The following ATG7 variants were observed in gnomAD, a reference collection of about 807,000 sequenced individuals.
ATG7 encodes ubiquitin-like modifier-activating enzyme ATG7.
Under a neutral mutation model 82.4 loss-of-function variants are expected in ATG7, and 70 were observed. The ratio of observed to expected loss-of-function variants is 0.85; its 90% CI spans 0.70 to 1.04. The LOEUF (loss-of-function observed/expected upper bound fraction) is 1.04. Among genes scored for constraint, ATG7 ranks in the 50% least tolerant of loss-of-function variants. ATG7 has a pLI of 0.00. For synonymous variants in ATG7, 287 were observed against 313.0 expected (o/e 0.92, Z 0.88); for missense variants, 792 against 864.3 (o/e 0.92, Z 1.05).
downstream of ATG7, among the ~76,000 whole-genome samples, chr3:11,560,146 G>A (rs987304206): frequency 2.0e-5 from 3 of 151,528 alleles, no homozygotes; most frequent in Non-Finnish European, 4.4e-5. Context: ...ACTGGCCACC[G>A]CCCCACCACC....
At chr3:11,484,086 G>C (rs888338375) in intron 20 of ATG7, among the ~76,000 whole-genome samples, 1 of 152,170 alleles carries the variant, frequency 6.6e-6, no homozygotes, top group South Asian at 2.1e-4. Context: ...AGAGGAAGGT[G>C]ATAGGCCAAA....
intron 19 of ATG7, among the ~76,000 whole-genome samples, chr3:11,407,078 G>T (rs185485840): frequency 6.6e-6 from 1 of 152,334 alleles, no homozygotes; most frequent in East Asian, 1.9e-4. Flanking sequence ...TTCTGCCTAT[G>T]AGCCTATATA....
At chr3:11,359,359 G>A (rs1379888191) in intron 15 of ATG7, among the ~76,000 whole-genome samples, 1 of 152,102 alleles carries the variant, frequency 6.6e-6, no homozygotes, top group African/African-American at 2.4e-5. Flanking sequence ...GGGATAATAA[G>A]TTAAATTAGA....
At chr3:11,442,739 CAAAAAA>C (rs57073881) in intron 20 of ATG7, among the ~76,000 whole-genome samples, 87 of 69,236 alleles carry the variant, frequency 1.3e-3, no homozygotes, top group Middle Eastern at 0.015. Flanking sequence ...TCCATCTCTA[CAAAAAA>C]AAAAAAAAAA....
intron 6 of ATG7, chr3:11,308,703 A>T: frequency 2.0e-6 from 1 of 492,398 alleles, no homozygotes; most frequent in South Asian, 2.5e-5. Flanking sequence ...GGAGATTGTG[A>T]AGGCATGAAA....
intron 20 of ATG7, among the ~76,000 whole-genome samples, chr3:11,452,748 T>G (rs576839811): frequency 6.6e-6 from 1 of 152,178 alleles, no homozygotes; most frequent in African/African-American, 2.4e-5. Flanking sequence ...AACTGAGGGT[T>G]AGAGAGTAAA....
chr3:11,306,351 T>C (rs1947733197), intron 5 of ATG7, among the ~76,000 whole-genome samples: 1 of 152,226 alleles, frequency 6.6e-6, no homozygotes, highest in Non-Finnish European at 1.5e-5. Flanking sequence ...ATGACTGTAG[T>C]TCTTGAAAAT....
At chr3:11,569,592 G>GT in the ATG7 span, among the ~76,000 whole-genome samples, 6 of 152,274 alleles carry the variant, frequency 3.9e-5, no homozygotes, top group Admixed American at 3.3e-4. Context: ...CACAGGGCCA[G>GT]TGAGTGGGCC....
chr3:11,520,079 TTGAGAC>T (rs1229365457), intron 20 of ATG7, among the ~76,000 whole-genome samples: 1 of 152,136 alleles, frequency 6.6e-6, no homozygotes, highest in East Asian at 1.9e-4. Context: ...AGCTGTGTGT[TTGAGAC>T]TTTTGCACAT....
chr3:11,511,936 T>C (rs577391163), intron 20 of ATG7, among the ~76,000 whole-genome samples: 37 of 152,144 alleles, frequency 2.4e-4, no homozygotes, highest in East Asian at 3.9e-4. Flanking sequence ...CCAGCTGGCC[T>C]GCAAGCGCCG....
At chr3:11,469,988 C>CAAAAA (rs10628540) in intron 20 of ATG7, among the ~76,000 whole-genome samples, 26,334 of 86,122 alleles carry the variant, frequency 0.31, 5,283 homozygotes, top group Non-Finnish European at 0.37. Context: ...GACTCCATCT[C>CAAAAA]AAAAAAAAAA....
At chr3:11,399,804 C>T (rs1023584889) in intron 19 of ATG7, among the ~76,000 whole-genome samples, 2 of 152,124 alleles carry the variant, frequency 1.3e-5, no homozygotes, top group Non-Finnish European at 2.9e-5. Context: ...GAACTCCTGA[C>T]CTCAGGTAAT....
At chr3:11,429,421 G>A (rs1480933120) in intron 20 of ATG7, among the ~76,000 whole-genome samples, 2 of 151,970 alleles carry the variant, frequency 1.3e-5, no homozygotes, top group African/African-American at 2.4e-5. Context: ...ACTTGAACCC[G>A]GGAAGCAAAG....
At chr3:11,551,982 CAA>C (rs2071842459) in intron 20 of ATG7, among the ~76,000 whole-genome samples, 1 of 152,212 alleles carries the variant, frequency 6.6e-6, no homozygotes, top group Admixed American at 6.5e-5. Context: ...CTCCTGACCT[CAA>C]GTGATCCACC....
intron 20 of ATG7, among the ~76,000 whole-genome samples, chr3:11,503,252 G>A (rs1367549103): frequency 1.3e-5 from 2 of 152,128 alleles, no homozygotes; most frequent in Admixed American, 1.3e-4. Flanking sequence ...TTAAGTAGGA[G>A]CAGAAACCAA....
In ATG7 at chr3:11,298,745, C is replaced by T. The variant is rs775703542; in HGVS notation, c.50C>T (p.Pro17Leu). Reference protein sequence around the residue: ...DPGLSKLQFAPFSSALDVGFW... With the variant: ...DPGLSKLQFALFSSALDVGFW... The stretch of plus-strand genomic sequence containing the variant: ...GGACTCTCTAAACTGCAGTTTGCCC[C>T]TTTTAGTAGTGCCTTGGATGTTGGG... The change falls in exon 4 of 21, where the codon CCT (proline) becomes CTT (leucine). Residue 17 changes from proline (P) to leucine (L), a missense_variant. Physicochemically the swap from Pro to Leu is moderately conservative, Grantham distance 98. Coordinates refer to ENST00000693202, the MANE Select transcript of ATG7 (RefSeq NM_001349232.2). The T allele has an allele frequency of 2.5e-6, 4 of 1,614,048 alleles. No homozygotes were observed. Among genetic ancestry groups the T allele is most frequent in the African/African-American group, 1.3e-5 (1 of 74,920 alleles).
intron 20 of ATG7, among the ~76,000 whole-genome samples, chr3:11,484,644 C>T (rs971230278): frequency 6.6e-6 from 1 of 152,138 alleles, no homozygotes; most frequent in Non-Finnish European, 1.5e-5. Context: ...TGGTGTGCTG[C>T]ACCCATTAAC....
Position 11,555,282 on chromosome 3 carries a change from T to A in ATG7, c.*439T>A, listed in dbSNP as rs2072293899. On this transcript the variant is annotated 3_prime_UTR_variant, in exon 21 of 21. Coordinates refer to ENST00000693202, the MANE Select transcript of ATG7 (RefSeq NM_001349232.2). ...TGCCCACCGCACCGCAGGCTCCTCC[T>A]GTGGGGGCCCTGGGCATGGGTGAGG... 1 of 165,938 alleles carries A rather than the reference T, an allele frequency of 6.0e-6. No homozygotes were observed. The highest frequency in any genetic ancestry group is 6.4e-5 in the Admixed American group (1 of 15,704). The allele number at this position is 165,938 out of a possible 1,614,324, so 10.3% of individuals were successfully genotyped here.
intron 9 of ATG7, among the ~76,000 whole-genome samples, chr3:11,323,941 G>A (rs1375552385): frequency 6.6e-6 from 1 of 152,202 alleles, no homozygotes; most frequent in Non-Finnish European, 1.5e-5. Flanking sequence ...TGGGATCATT[G>A]TGGAAAATGT....
Sources: allele counts gnomAD v4.1 joint callset (sites outside exome capture counted in the v4.1 genomes callset), GRCh38; gene constraint gnomAD v4.1.1; transcripts MANE v1.5; gene names NCBI Gene and HGNC (gene_info 2026-07-23, HGNC 2026-07-21).